OSBP: variants seen among roughly 807,000 people sequenced by gnomAD.
The protein encoded by OSBP is oxysterol-binding protein 1.
Under a neutral mutation model 96.6 loss-of-function variants are expected in OSBP, and 32 were observed. The observed-to-expected ratio is 0.33, with a 90% CI of 0.25 to 0.45. The LOEUF (loss-of-function observed/expected upper bound fraction) is 0.45, where lower values mean the gene tolerates loss of function less well. Ranked by LOEUF, OSBP falls within the 20% of genes least tolerant of loss-of-function variation. The pLI is 1.00. For missense variants in OSBP, 653 were observed against 1,029.7 expected, an observed-to-expected ratio of 0.63 and a Z score of 5.01; for synonymous variants, 369 against 389.6, an observed-to-expected ratio of 0.95 and a Z score of 0.62.
At chr11:59,582,262 T>C (rs974196422) in intron 9 of OSBP, among the ~76,000 whole-genome samples, 1 of 152,188 alleles carries the variant, frequency 6.6e-6, no homozygotes, top group East Asian at 1.9e-4. Context: ...GAGACAGGGT[T>C]TTGAGTCACC....
Position 59,610,560 on chromosome 11 carries a change from C to T in OSBP, c.392G>A (p.Arg131His), listed in dbSNP as rs1860831345. Residue 131 changes from arginine (R) to histidine (H), a missense_variant, in exon 2 of 14, where the codon CGT (arginine) becomes CAT (histidine). By Grantham distance (29) the Arg-to-His change is conservative. Around this residue, in one of 6 missense-constraint regions of OSBP, gnomAD observed 308 missense variants for 573.1 expected, o/e 0.54. Coordinates refer to ENST00000263847, the MANE Select transcript of OSBP (RefSeq NM_002556.3). Reference sequence around the variant, plus strand: ...GGCTGTGGCGAGGTTGATGGTACCACGGCAGGTATGTCTCATTTCTGCCTT... The same window carrying T: ...GGCTGTGGCGAGGTTGATGGTACCATGGCAGGTATGTCTCATTTCTGCCTT... ...RSKAEMRHTC[R>H]GTINLATANI... 2 of 1,614,062 alleles carry T rather than the reference C, an allele frequency of 1.2e-6. No individual in the cohort carries two copies. Among genetic ancestry groups the T allele is most frequent in the East Asian group, 2.2e-5 (1 of 44,880 alleles).
chr11:59,578,822 A>C (rs936684788), intron 11 of OSBP, among the ~76,000 whole-genome samples: 9 of 151,854 alleles, frequency 5.9e-5, no homozygotes, highest in Non-Finnish European at 1.0e-4. Context: ...TTTCATTATC[A>C]TTTTTTGTTA....
At chr11:59,607,285 C>A (rs965850216) in intron 3 of OSBP, among the ~76,000 whole-genome samples, 1 of 152,112 alleles carries the variant, frequency 6.6e-6, no homozygotes, top group African/African-American at 2.4e-5. Context: ...ACACAGTCTC[C>A]AGGAATACAC....
chr11:59,615,704 A>G lies in OSBP; in HGVS notation c.-40T>C. The G allele has an allele frequency of 7.9e-7, 1 of 1,265,918 alleles. No individual in the cohort carries two copies. Among genetic ancestry groups the G allele is most frequent in the Non-Finnish European group, 9.9e-7 (1 of 1,007,084 alleles). 78.4% of individuals were successfully genotyped at this position (1,265,918 alleles called of 1,614,324 possible). A position where few individuals can be genotyped will look rare whatever the true frequency, so the allele number is the denominator to read the frequency against. Reference sequence around the variant, plus strand: ...TGGAGATACAAGACCGGAACCGCCTACGAGAGCCGCCGTCGCCGCCCGGAG... The same window carrying G: ...TGGAGATACAAGACCGGAACCGCCTGCGAGAGCCGCCGTCGCCGCCCGGAG... On this transcript the variant is annotated 5_prime_UTR_variant, in exon 1 of 14. Transcript: ENST00000263847.
At chr11:59,601,891 C>G in intron 3 of OSBP, 53 bp from the exon 4 acceptor site, 2 of 1,529,364 alleles carry the variant, frequency 1.3e-6, no homozygotes, top group Non-Finnish European at 1.8e-6. Context: ...AGTTTCCCCT[C>G]AGGCTTCTGC....
At chr11:59,583,644 T>TG (rs1044967148) in intron 9 of OSBP, among the ~76,000 whole-genome samples, 25 of 136,036 alleles carry the variant, frequency 1.8e-4, no homozygotes, top group Non-Finnish European at 1.5e-4. Flanking sequence ...GTTTTTTTTT[T>TG]TTTTTTTTTT....
intron 7 of OSBP, among the ~76,000 whole-genome samples, chr11:59,597,449 C>T (rs1424803802): frequency 6.6e-6 from 1 of 152,120 alleles, no homozygotes; most frequent in Non-Finnish European, 1.5e-5. Flanking sequence ...CCTAATACTC[C>T]AGACAAGTGG....
chr11:59,578,783 C>T (rs918101859), intron 11 of OSBP, among the ~76,000 whole-genome samples: 2 of 152,098 alleles, frequency 1.3e-5, no homozygotes, highest in African/African-American at 4.8e-5. Flanking sequence ...TTTTCTGCTA[C>T]TTGAAATAAC....
chr11:59,610,772 G>T (rs902833065), intron 1 of OSBP, among the ~76,000 whole-genome samples, 183 bp from the exon 2 acceptor site: 1 of 151,324 alleles, frequency 6.6e-6, no homozygotes, highest in Non-Finnish European at 1.5e-5. Flanking sequence ...TCCCTTCAGA[G>T]CCTATAAGTG....
At chr11:59,580,808 C>G (rs1456550282) in intron 10 of OSBP, among the ~76,000 whole-genome samples, 1 of 152,194 alleles carries the variant, frequency 6.6e-6, no homozygotes, top group African/African-American at 2.4e-5. Flanking sequence ...CATGAGCCAA[C>G]ATGCCCAGCC....
At chr11:59,590,736 C>T (rs1207480859) in intron 9 of OSBP, among the ~76,000 whole-genome samples, 1 of 152,186 alleles carries the variant, frequency 6.6e-6, no homozygotes, top group Non-Finnish European at 1.5e-5. Flanking sequence ...ATATATTTTT[C>T]TTCAGCTATA....
chr11:59,609,632 A>AG (rs1860820864), intron 2 of OSBP, among the ~76,000 whole-genome samples: 2 of 152,180 alleles, frequency 1.3e-5, no homozygotes, highest in Admixed American at 6.5e-5. Context: ...GGGAAATGAC[A>AG]GGGGATAAGA....
At chr11:59,581,375 G>A in intron 10 of OSBP, 76 bp downstream of exon 10, 2 of 773,412 alleles carry the variant, frequency 2.6e-6, no homozygotes, top group East Asian at 5.2e-5. Flanking sequence ...CAGTTCACAT[G>A]TCCTAAATAC....
chr11:59,600,441 C>G, intron 7 of OSBP, 55 bp downstream of exon 7: 1 of 1,595,650 alleles, frequency 6.3e-7, no homozygotes, highest in Non-Finnish European at 8.5e-7. Flanking sequence ...AGCACTCTTC[C>G]CACTGAGGCT....
chr11:59,601,521 G>T, intron 4 of OSBP, 119 bp downstream of exon 4: 1 of 1,151,138 alleles, frequency 8.7e-7, no homozygotes, highest in Non-Finnish European at 1.3e-6. Context: ...ATAAATCAAT[G>T]GGTTCCAATT....
At position 59,600,480 on chromosome 11, in the gene OSBP, T is replaced by G. The variant is rs1321694700; in HGVS notation, c.1311+16A>C. 2 of 1,612,706 alleles carry G rather than the reference T, an allele frequency of 1.2e-6. No homozygotes were observed. Among genetic ancestry groups the G allele is most frequent in the East Asian group, 4.5e-5 (2 of 44,874 alleles). ...GAGGAACTCCTGGCAGCAGCTCCAG[T>G]GTGCAAGAACCTTACCGGCATGGGG... On this transcript the variant is annotated intron_variant, in intron 7 of 13. Transcript: ENST00000263847.
intron 2 of OSBP, 46 bp from the exon 3 acceptor site, chr11:59,608,780 G>T: frequency 6.3e-7 from 1 of 1,597,908 alleles, no homozygotes; most frequent in South Asian, 1.1e-5. Flanking sequence ...AACCAGGAGT[G>T]ACAGTTGGAA....
intron 8 of OSBP, 124 bp downstream of exon 8, chr11:59,593,885 GA>G: frequency 1.4e-6 from 2 of 1,439,312 alleles, no homozygotes; most frequent in Non-Finnish European, 1.9e-6. Context: ...ACGTTCTGAA[GA>G]AAAAGAATAA....
chr11:59,587,728 G>A (rs1456734073), intron 9 of OSBP, among the ~76,000 whole-genome samples: 2 of 152,184 alleles, frequency 1.3e-5, no homozygotes, highest in African/African-American at 4.8e-5. Flanking sequence ...CACTGTTGGT[G>A]GGAATGTATA....
Sources: gnomAD v4.1 joint callset for allele counts (sites outside exome capture counted in the v4.1 genomes callset) on GRCh38, gnomAD v4.1.1 for gene constraint, gnomAD v4.1.1 regional missense constraint, MANE v1.5 for transcripts, NCBI Gene and HGNC (gene_info 2026-07-23, HGNC 2026-07-21) for gene names.